The following NR2C1 variants were observed in gnomAD, a reference collection of about 807,000 sequenced individuals.
The protein encoded by NR2C1 is TR2 nuclear hormone receptor.
In NR2C1, 33 loss-of-function variants were observed where a neutral mutation model predicts 74.8. The ratio of observed to expected loss-of-function variants is 0.44; its 90% CI spans 0.33 to 0.59. The LOEUF is 0.59. Ranked by LOEUF, NR2C1 falls within the 20% of genes least tolerant of loss-of-function variation. The pLI is 0.02. For missense variants in NR2C1, 568 were observed against 715.6 expected, an observed-to-expected ratio of 0.79 and a Z score of 2.35; for synonymous variants, 225 against 240.6, an observed-to-expected ratio of 0.94 and a Z score of 0.60.
intron 2 of NR2C1, among the ~76,000 whole-genome samples, chr12:95,064,552 A>G (rs1210483055): frequency 1.3e-5 from 2 of 152,144 alleles, no homozygotes; most frequent in Non-Finnish European, 2.9e-5. Context: ...AATAATGCTG[A>G]TAGACTGAAG....
intron 10 of NR2C1, among the ~76,000 whole-genome samples, chr12:95,036,530 A>G (rs1171079797): frequency 7.2e-6 from 1 of 139,184 alleles, no homozygotes; most frequent in African/African-American, 2.9e-5. Flanking sequence ...TTTTTTTTTG[A>G]AGGAGAGTCT....
intron 10 of NR2C1, among the ~76,000 whole-genome samples, chr12:95,038,706 C>T (rs368250150): frequency 2.0e-5 from 3 of 152,058 alleles, no homozygotes; most frequent in Admixed American, 6.6e-5. Flanking sequence ...TGCAGTGAGC[C>T]GAGATCACGC....
chr12:95,053,351 T>C (rs886097027), intron 7 of NR2C1, among the ~76,000 whole-genome samples: 15 of 152,082 alleles, frequency 9.9e-5, no homozygotes, highest in Non-Finnish European at 2.2e-4. Context: ...TAAAAAAGAA[T>C]TTTCTCTCAA....
At chr12:95,057,357 G>A (rs1275339469) in intron 7 of NR2C1, among the ~76,000 whole-genome samples, 196 bp downstream of exon 7, 1 of 151,070 alleles carries the variant, frequency 6.6e-6, no homozygotes, top group African/African-American at 2.4e-5. Context: ...CATGTGCCTC[G>A]GCCTCCCAAA....
At chr12:95,066,889 T>C (rs1466747418) in intron 2 of NR2C1, 1 of 158,760 alleles carries the variant, frequency 6.3e-6, no homozygotes, top group Non-Finnish European at 1.4e-5. Flanking sequence ...CCCCAGATAA[T>C]ACTTTGAGAA....
chr12:95,058,313 C>CT lies in NR2C1; in HGVS notation c.540dup (p.Asp181ArgfsTer6). Reference sequence around the variant, plus strand: ...CTCCTTAAAAGCTAATACATACAGTCTTGCTTCATTCCAAACGCAATACAT... The same window carrying CT: ...CTCCTTAAAAGCTAATACATACAGTCTTTGCTTCATTCCAAACGCAATACAT... On this transcript the variant is annotated frameshift_variant, in exon 5 of 14. Transcript: ENST00000333003. LOFTEE classifies it high-confidence loss of function. 6.2e-7 allele frequency: 1 copy of CT among 1,609,968 alleles called. No homozygotes were observed. Among genetic ancestry groups the CT allele is most frequent in the Non-Finnish European group, 8.5e-7 (1 of 1,179,220 alleles).
At chr12:95,052,445 C>T (rs558701682) in intron 7 of NR2C1, among the ~76,000 whole-genome samples, 5 of 152,220 alleles carry the variant, frequency 3.3e-5, no homozygotes, top group Admixed American at 2.6e-4. Flanking sequence ...TGGGCCATCG[C>T]GCCCGGCCGT....
At chr12:95,029,367 G>C (rs1296778082) in intron 11 of NR2C1, among the ~76,000 whole-genome samples, 1 of 151,944 alleles carries the variant, frequency 6.6e-6, no homozygotes, top group South Asian at 2.1e-4. Flanking sequence ...TGCCCAGCCA[G>C]GTTTATATTT....
Position 95,050,949 on chromosome 12 carries a change from A to T in NR2C1, c.965+813T>A, listed in dbSNP as rs1872918407. Among the ~76,000 whole-genome samples, 5 of 152,306 alleles carry T rather than the reference A, an allele frequency of 3.3e-5. No homozygotes were observed. The South Asian group carries it at 1.0e-3, about 32-fold the overall frequency. Reference sequence around the variant, plus strand: ...AGGATCAATATGATTGCCTAGAAAGACAAGTGTTTCGCTCTCCATACACAT... The same window carrying T: ...AGGATCAATATGATTGCCTAGAAAGTCAAGTGTTTCGCTCTCCATACACAT... On this transcript the variant is annotated intron_variant, in intron 8 of 13. Coordinates refer to ENST00000333003, the MANE Select transcript of NR2C1 (RefSeq NM_003297.4).
intron 3 of NR2C1, among the ~76,000 whole-genome samples, chr12:95,061,190 G>A (rs531018508): frequency 6.6e-6 from 1 of 152,320 alleles, no homozygotes; most frequent in South Asian, 2.1e-4. Context: ...TCCTAGCCAA[G>A]AGAAGCCTCA....
intron 8 of NR2C1, among the ~76,000 whole-genome samples, chr12:95,050,599 G>A (rs1004916860): frequency 7.2e-5 from 11 of 151,854 alleles, no homozygotes; most frequent in Non-Finnish European, 1.6e-4. Flanking sequence ...ATACGCCACC[G>A]TGCCCGGCCA....
At chr12:95,023,792 G>A (rs756386565) in intron 13 of NR2C1, among the ~76,000 whole-genome samples, 2 of 152,124 alleles carry the variant, frequency 1.3e-5, no homozygotes, top group Non-Finnish European at 2.9e-5. Context: ...AACTGAGAAA[G>A]CTGCAGTCAC....
intron 9 of NR2C1, among the ~76,000 whole-genome samples, chr12:95,041,841 T>C (rs1031176807): frequency 1.3e-5 from 2 of 152,222 alleles, no homozygotes; most frequent in Non-Finnish European, 2.9e-5. Flanking sequence ...AAAAAGCATG[T>C]GTAAGGATGT....
Position 95,020,684 on chromosome 12 carries a change from C to A in NR2C1, c.*1545G>T, listed in dbSNP as rs187389887. 1.3e-5 allele frequency: 2 copies of A among 152,268 alleles called. No individual in the cohort carries two copies. The highest frequency in any genetic ancestry group is 2.9e-5 in the Non-Finnish European group (2 of 68,024). The allele number at this position is 152,268 out of a possible 1,614,324, so 9.4% of individuals were successfully genotyped here. On this transcript the variant is annotated 3_prime_UTR_variant, in exon 14 of 14. Coordinates refer to ENST00000333003, the MANE Select transcript of NR2C1 (RefSeq NM_003297.4). ...CAAAAATCTTTACAAAAAATGTACT[C>A]TGAGTGCATTATCCGTGTTTGCTTT... is the stretch of plus-strand genomic sequence containing the variant.
intron 12 of NR2C1, among the ~76,000 whole-genome samples, chr12:95,027,209 C>T (rs1394780949): frequency 1.4e-4 from 22 of 152,118 alleles, no homozygotes; most frequent in African/African-American, 5.1e-4. Flanking sequence ...TGCACACCAG[C>T]ACATCCAGCT....
chr12:95,029,799 C>T (rs1869834979), intron 11 of NR2C1, among the ~76,000 whole-genome samples: 1 of 152,062 alleles, frequency 6.6e-6, no homozygotes, highest in African/African-American at 2.4e-5. Flanking sequence ...CCTCATGATC[C>T]ACCCGCCTAG....
At chr12:95,024,125 T>A (rs979893790) in intron 13 of NR2C1, among the ~76,000 whole-genome samples, 1 of 152,208 alleles carries the variant, frequency 6.6e-6, no homozygotes, top group Non-Finnish European at 1.5e-5. Flanking sequence ...AAGATGAGAC[T>A]GGCTTATAAA....
Position 95,062,654 on chromosome 12 carries a change from T to A in NR2C1, c.139A>T (p.Thr47Ser). 1 of 1,614,166 alleles carries A rather than the reference T, an allele frequency of 6.2e-7. No individual in the cohort carries two copies. Among genetic ancestry groups the A allele is most frequent in the Non-Finnish European group, 8.5e-7 (1 of 1,180,016 alleles). ...CTTGGAGTAGAGCCGTCGTGATTTG[T>A]CAGAATGAACTGCTTGCCTTGGGTA... ...HNTQGKQFIL[T>S]NHDGSTPSKV... The change falls in exon 3 of 14, where the codon ACA (threonine) becomes TCA (serine). Residue 47 changes from threonine (T) to serine (S), a missense_variant. By Grantham distance (58) the Thr-to-Ser change is moderately conservative. This residue lies in a region of NR2C1 where 128 missense variants were observed against 118.9 expected (regional missense o/e 1.08). Coordinates refer to ENST00000333003, the MANE Select transcript of NR2C1 (RefSeq NM_003297.4).
At chr12:95,048,732 G>A (rs1278335292) in intron 9 of NR2C1, among the ~76,000 whole-genome samples, 1 of 146,950 alleles carries the variant, frequency 6.8e-6, no homozygotes, top group African/African-American at 2.5e-5. Context: ...TCAATCGATT[G>A]TCCTGCCTCA....
Sources: gnomAD v4.1 joint callset for allele counts (sites outside exome capture counted in the v4.1 genomes callset) on GRCh38, gnomAD v4.1.1 for gene constraint, gnomAD v4.1.1 regional missense constraint, MANE v1.5 for transcripts, NCBI Gene and HGNC (gene_info 2026-07-23, HGNC 2026-07-21) for gene names.